PRKN: variants seen among roughly 807,000 people sequenced by gnomAD.
PRKN encodes E3 ubiquitin-protein ligase parkin.
In PRKN, 56 loss-of-function variants were observed where a neutral mutation model predicts 59.5. The observed-to-expected ratio is 0.94, with a 90% confidence interval of 0.76 to 1.18. The LOEUF is 1.18. PRKN is among the 50% of genes most tolerant of loss of function. The pLI, the probability that PRKN is intolerant of heterozygous loss-of-function variation, is 0.00. For synonymous variants in PRKN, 250 were observed against 222.1 expected, an observed-to-expected ratio of 1.13 and a Z score of -1.12; for missense variants, 657 against 596.4, an observed-to-expected ratio of 1.10 and a Z score of -1.06.
intron 4 of PRKN, among the ~76,000 whole-genome samples, chr6:162,187,474 A>G (rs146647112): frequency 2.4e-3 from 370 of 152,260 alleles, no homozygotes; most frequent in Non-Finnish European, 4.4e-3. Flanking sequence ...GCAAAATGGC[A>G]GTGCAGGGGA....
chr6:162,148,109 G>C (rs549750112), intron 4 of PRKN, among the ~76,000 whole-genome samples: 2 of 152,264 alleles, frequency 1.3e-5, no homozygotes, highest in African/African-American at 4.8e-5. Flanking sequence ...TAATCCAGTT[G>C]ACTAGCCTTG....
intron 1 of PRKN, among the ~76,000 whole-genome samples, chr6:162,708,043 T>C (rs945596878): frequency 6.6e-6 from 1 of 152,240 alleles, no homozygotes. Flanking sequence ...ACACATTTTC[T>C]TTCTGTAAGG....
chr6:162,695,449 AT>A (rs1777933270), intron 1 of PRKN, among the ~76,000 whole-genome samples: 2 of 152,340 alleles, frequency 1.3e-5, no homozygotes, highest in South Asian at 2.1e-4. Context: ...TTATAGCCCC[AT>A]TAAAAAATGT....
At chr6:162,370,577 A>C (rs1785711783) in intron 2 of PRKN, among the ~76,000 whole-genome samples, 1 of 152,186 alleles carries the variant, frequency 6.6e-6, no homozygotes, top group Non-Finnish European at 1.5e-5. Context: ...AGAGAAAGAA[A>C]GGTGAATCTA....
intron 10 of PRKN, among the ~76,000 whole-genome samples, chr6:161,368,821 G>A (rs73600947): frequency 0.015 from 2,262 of 152,262 alleles, 59 homozygotes; most frequent in African/African-American, 0.051. Context: ...GGCCACGGCT[G>A]CCAAAGCTCA....
chr6:162,400,320 A>T (rs1787707839), intron 2 of PRKN, among the ~76,000 whole-genome samples: 1 of 152,128 alleles, frequency 6.6e-6, no homozygotes, highest in African/African-American at 2.4e-5. Context: ...ACACCAGATT[A>T]TAACTTATTA....
intron 1 of PRKN, among the ~76,000 whole-genome samples, chr6:162,724,401 A>G (rs528640417): frequency 1.3e-5 from 2 of 152,316 alleles, no homozygotes; most frequent in South Asian, 2.1e-4. Context: ...CATGCCAATA[A>G]GGGAATCTTC....
chr6:161,540,814 G>T (rs1488689320), intron 9 of PRKN, among the ~76,000 whole-genome samples: 3 of 152,174 alleles, frequency 2.0e-5, no homozygotes, highest in African/African-American at 7.2e-5. Flanking sequence ...CTATAGGAAA[G>T]AAATTGGTTT....
At chr6:162,045,489 AT>A (rs1259212369) in intron 5 of PRKN, among the ~76,000 whole-genome samples, 1 of 152,222 alleles carries the variant, frequency 6.6e-6, no homozygotes, top group African/African-American at 2.4e-5. Flanking sequence ...GTTTCACCAC[AT>A]GTGGGTCAAC....
intron 9 of PRKN, among the ~76,000 whole-genome samples, chr6:161,500,570 G>T (rs190393604): frequency 9.2e-5 from 14 of 152,264 alleles, no homozygotes; most frequent in African/African-American, 3.4e-4. Flanking sequence ...AGTCTTTTCA[G>T]ATTGGCATCT....
intron 5 of PRKN, among the ~76,000 whole-genome samples, chr6:162,033,667 AG>A (rs1247465935): frequency 2.6e-5 from 4 of 152,168 alleles, no homozygotes; most frequent in Non-Finnish European, 5.9e-5. Flanking sequence ...TTGTAGTTAA[AG>A]CATGATTTTT....
intron 1 of PRKN, among the ~76,000 whole-genome samples, chr6:162,661,513 G>C (rs1322941658): frequency 1.3e-5 from 2 of 152,146 alleles, no homozygotes; most frequent in African/African-American, 4.8e-5. Flanking sequence ...GGTTGGTTTG[G>C]GAGACCTGGC....
chr6:162,626,168 T>A (rs1454134178), intron 1 of PRKN, among the ~76,000 whole-genome samples: 1 of 152,202 alleles, frequency 6.6e-6, no homozygotes, highest in African/African-American at 2.4e-5. Flanking sequence ...TCTGGTAGAT[T>A]TGGGGTTAAT....
chr6:161,903,831 T>A (rs1201278962), intron 6 of PRKN, among the ~76,000 whole-genome samples: 1 of 151,576 alleles, frequency 6.6e-6, no homozygotes, highest in South Asian at 2.1e-4. Flanking sequence ...TCCCTTTTAT[T>A]GTATGTATGC....
intron 4 of PRKN, among the ~76,000 whole-genome samples, chr6:162,199,683 C>T (rs1054704755): frequency 2.0e-5 from 3 of 152,148 alleles, no homozygotes; most frequent in African/African-American, 4.8e-5. Context: ...CAGAAAGAGC[C>T]CCGTGGGCAT....
chr6:162,319,370 C>T (rs1286078310), intron 2 of PRKN, among the ~76,000 whole-genome samples: 1 of 151,798 alleles, frequency 6.6e-6, no homozygotes, highest in Non-Finnish European at 1.5e-5. Flanking sequence ...ATGAATTAGG[C>T]CCTTTGGAAG....
At chr6:161,997,336 T>G (rs1211193387) in intron 5 of PRKN, among the ~76,000 whole-genome samples, 1 of 152,104 alleles carries the variant, frequency 6.6e-6, no homozygotes, top group African/African-American at 2.4e-5. Flanking sequence ...GGTATAAAAA[T>G]CAGCCTCCTG....
intron 1 of PRKN, among the ~76,000 whole-genome samples, chr6:162,702,192 T>C (rs779219361): frequency 4.6e-5 from 7 of 152,154 alleles, no homozygotes; most frequent in Non-Finnish European, 1.0e-4. Flanking sequence ...TTAATGAACT[T>C]CAAGTATTGC....
intron 7 of PRKN, among the ~76,000 whole-genome samples, chr6:161,665,762 C>T (rs145925172): frequency 7.2e-5 from 11 of 152,312 alleles, no homozygotes; most frequent in Non-Finnish European, 1.5e-4. Flanking sequence ...AACACGTCAT[C>T]GGCCTTTTCT....
Sources: allele counts gnomAD v4.1 joint callset (sites outside exome capture counted in the v4.1 genomes callset), GRCh38; gene constraint gnomAD v4.1.1; transcripts MANE v1.5; gene names NCBI Gene and HGNC (gene_info 2026-07-23, HGNC 2026-07-21).